The following SRCAP variants were observed in gnomAD, a reference collection of about 807,000 sequenced individuals.
SRCAP encodes chromatin remodeling protein SRCAP.
SRCAP carries 46 observed loss-of-function variants against 263.1 expected under a neutral mutation model. The ratio of observed to expected loss-of-function variants is 0.17; its 90% CI spans 0.14 to 0.22. SRCAP has a LOEUF of 0.22. SRCAP is among the 10% of genes least tolerant of loss of function. The probability of loss-of-function intolerance (pLI) is 1.00; values close to 1 mark genes in which losing one functional copy is unlikely to be tolerated. For missense variants in SRCAP, 3,695 were observed against 4,181.9 expected (o/e 0.88, Z 3.21); for synonymous variants, 1,813 against 1,662.1 (o/e 1.09, Z -2.21).
chr16:30,739,140 G>C lies in SRCAP; in HGVS notation c.9100G>C (p.Glu3034Gln), dbSNP rs749154028. ...VLDRDSTSVL[E>Q]SCGLGRRRQP... is the part of the protein sequence containing the mutation. ...GGACCGTGACAGCACTTCTGTTCTC[G>C]AGAGCTGTGGATTGGGGAGGCGACG... The change falls in exon 34 of 34, where the codon GAG becomes CAG. Residue 3034 changes from glutamate (E) to glutamine (Q), a missense_variant. Physicochemically the swap from Glu to Gln is conservative, Grantham distance 29. Around this residue, in one of 12 missense-constraint regions of SRCAP, gnomAD observed 1,207 missense variants for 1,142.9 expected, o/e 1.06. Coordinates refer to ENST00000262518, the MANE Select transcript of SRCAP (RefSeq NM_006662.3). 2.5e-6 allele frequency: 4 copies of C among 1,614,024 alleles called. No individual in the cohort carries two copies. Among genetic ancestry groups the C allele is most frequent in the Non-Finnish European group, 3.4e-6 (4 of 1,180,030 alleles).
chr16:30,728,370 C>T (rs1455547292), intron 25 of SRCAP, among the ~76,000 whole-genome samples: 4 of 152,306 alleles, frequency 2.6e-5, no homozygotes, highest in African/African-American at 9.6e-5. Flanking sequence ...GTTTTTCAGA[C>T]TGTGAAACTG....
At position 30,723,965 on chromosome 16, in the gene SRCAP, C is replaced by G; in HGVS notation, c.4541C>G (p.Ser1514Cys). 6.2e-7 allele frequency: 1 copy of G among 1,614,198 alleles called. No individual in the cohort carries two copies. The highest frequency in any genetic ancestry group is 1.1e-5 in the South Asian group (1 of 91,088). ...ALTLGLATAP[S>C]LSSSQTPGHP... ...ACTCTAGGTTTGGCCACAGCTCCAT[C>G]CCTGTCTTCATCTCAGACACCTGGT... The change falls in exon 25 of 34, where the codon TCC becomes TGC. Residue 1514 changes from serine to cysteine, a missense_variant. Physicochemically the swap from Ser to Cys is moderately radical, Grantham distance 112. Coordinates refer to ENST00000262518, the MANE Select transcript of SRCAP (RefSeq NM_006662.3).
chr16:30,726,090 TTA>T (rs1239801058), intron 25 of SRCAP: 1 of 152,240 alleles, frequency 6.6e-6, no homozygotes, highest in African/African-American at 2.4e-5. Context: ...TCCTACTTTT[TTA>T]TTTCTCTAGT....
intron 22 of SRCAP, 122 bp downstream of exon 22, chr16:30,722,408 C>A: frequency 6.6e-7 from 1 of 1,510,292 alleles, no homozygotes; most frequent in East Asian, 2.3e-5. Context: ...GTGGGGCCAA[C>A]GGGCATGGTT....
At chr16:30,735,606 AG>A (rs1384443658) in intron 31 of SRCAP, among the ~76,000 whole-genome samples, 1 of 102,910 alleles carries the variant, frequency 9.7e-6, no homozygotes, top group Non-Finnish European at 1.8e-5. Context: ...GGAGTCACGG[AG>A]TCTTGCTCTT....
intron 19 of SRCAP, 36 bp from the exon 20 acceptor site, chr16:30,720,674 CCTT>C: frequency 6.5e-7 from 1 of 1,543,942 alleles, no homozygotes; most frequent in East Asian, 2.3e-5. Context: ...CCCTTATTCT[CCTT>C]CTGTCCCTAC....
chr16:30,726,118 A>G (rs2053062132), intron 25 of SRCAP: 1 of 152,224 alleles, frequency 6.6e-6, no homozygotes, highest in African/African-American at 2.4e-5. Context: ...CTATGGAGTC[A>G]TAATGTATAA....
chr16:30,736,424 T>C, intron 32 of SRCAP, 30 bp downstream of exon 32: 1 of 1,604,408 alleles, frequency 6.2e-7, no homozygotes, highest in African/African-American at 1.3e-5. Context: ...GTTCTTGACT[T>C]TACTGCTTCC....
intron 1 of SRCAP, among the ~76,000 whole-genome samples, chr16:30,699,473 T>C (rs2052741262): frequency 1.3e-5 from 2 of 152,118 alleles, no homozygotes; most frequent in South Asian, 4.1e-4. Context: ...GGCGCAGGTA[T>C]GGGATATACA....
At chr16:30,706,065 G>T (rs1352752723) in intron 4 of SRCAP, among the ~76,000 whole-genome samples, 1 of 152,164 alleles carries the variant, frequency 6.6e-6, no homozygotes. Flanking sequence ...TAATATCCAC[G>T]TCTTTCTTGA....
intron 18 of SRCAP, among the ~76,000 whole-genome samples, chr16:30,718,137 C>A (rs895924737): frequency 6.6e-6 from 1 of 151,144 alleles, no homozygotes; most frequent in African/African-American, 2.4e-5. Context: ...CCTCCCAAAG[C>A]CCTGGGATTA....
chr16:30,706,015 G>C (rs1467389807), intron 4 of SRCAP, among the ~76,000 whole-genome samples: 4 of 152,190 alleles, frequency 2.6e-5, no homozygotes, highest in Admixed American at 1.3e-4. Context: ...AAGTCCTCCA[G>C]ATGATTCCGG....
chr16:30,714,628 G>A (rs1165305295), intron 16 of SRCAP, among the ~76,000 whole-genome samples: 1 of 150,530 alleles, frequency 6.6e-6, no homozygotes, highest in Non-Finnish European at 1.5e-5. Flanking sequence ...AGCCTCCTGA[G>A]TAGCTGGGGT....
Position 30,739,716 on chromosome 16 carries a change from C to A in SRCAP, c.9676C>A (p.Arg3226Ser), listed in dbSNP as rs746006737. The A allele has an allele frequency of 6.7e-7, 1 of 1,492,818 alleles. No homozygotes were observed. Among genetic ancestry groups the A allele is most frequent in the Non-Finnish European group, 8.9e-7 (1 of 1,121,908 alleles). 92.5% of individuals were successfully genotyped at this position (1,492,818 alleles called of 1,614,324 possible). A position where few individuals can be genotyped will look rare whatever the true frequency, so the allele number is the denominator to read the frequency against. Residue 3226 changes from arginine (R) to serine (S), a missense_variant, in exon 34 of 34, where the codon CGC becomes AGC. Arg to Ser is a moderately radical substitution (Grantham distance 110, BLOSUM62 -1). Transcript: ENST00000262518. ...TGGCCCTGCTGTTAGTCACAGAGGC[C>A]GCAAGGCCAAGACGTGAGTGGGCTG... ...LAGPAVSHRG[R>S]KAKT
At position 30,710,813 on chromosome 16, in the gene SRCAP, A is replaced by T. The variant is rs763652065; in HGVS notation, c.1194A>T (p.Glu398Asp). 4.3e-6 allele frequency: 7 copies of T among 1,614,202 alleles called. No individual in the cohort carries two copies. Among genetic ancestry groups the T allele is most frequent in the Non-Finnish European group, 5.9e-6 (7 of 1,180,030 alleles). The change falls in exon 9 of 34, where the codon GAA becomes GAT. Residue 398 changes from glutamate to aspartate, a missense_variant. By Grantham distance (45) the Glu-to-Asp change is conservative. Around this residue, in one of 12 missense-constraint regions of SRCAP, gnomAD observed 288 missense variants for 302.4 expected, o/e 0.95. Transcript: ENST00000262518. ...QRNKQPWHPD[E>D]DDEEFTANEE... is the part of the protein sequence containing the mutation. The stretch of plus-strand genomic sequence containing the variant: ...ACAAACAGCCTTGGCATCCAGATGA[A>T]GATGATGAAGAGTTTACTGCCAACG...
At position 30,739,045 on chromosome 16, in the gene SRCAP, C is replaced by T. The variant is rs751088971; in HGVS notation, c.9005C>T (p.Pro3002Leu). The T allele has an allele frequency of 6.2e-7, 1 of 1,614,236 alleles. No individual in the cohort carries two copies. The highest frequency in any genetic ancestry group is 1.1e-5 in the South Asian group (1 of 91,092). ...TVTTVTISTS[P>L]PKRKRGRPPK... ...ACCACTGTCACCATTTCAACGTCCC[C>T]ACCCAAACGGAAGAGGGGCCGACCT... The change falls in exon 34 of 34, where the codon CCA becomes CTA. Residue 3002 changes from proline to leucine, a missense_variant. Transcript: ENST00000262518.
At position 30,724,669 on chromosome 16, in the gene SRCAP, G is replaced by A; in HGVS notation, c.5245G>A (p.Ala1749Thr). 6.2e-7 allele frequency: 1 copy of A among 1,614,038 alleles called. No individual in the cohort carries two copies. Among genetic ancestry groups the A allele is most frequent in the Non-Finnish European group, 8.5e-7 (1 of 1,179,998 alleles). The change falls in exon 25 of 34, where the codon GCT (alanine) becomes ACT (threonine). Residue 1749 changes from alanine (A) to threonine (T), a missense_variant. Ala to Thr is a moderately conservative substitution (Grantham distance 58, BLOSUM62 0). Coordinates refer to ENST00000262518, the MANE Select transcript of SRCAP (RefSeq NM_006662.3). ...GGGTCCAACTCAGACGCTGTCTCTG[G>A]CTCCAGCACCCCCTCTGGCTCCAGC... ...PLGPTQTLSL[A>T]PAPPLAPASP...
intron 18 of SRCAP, among the ~76,000 whole-genome samples, chr16:30,717,049 T>C (rs1445505921): frequency 6.6e-6 from 1 of 152,226 alleles, no homozygotes. Context: ...TAGCTGCATG[T>C]TTTACATTTC....
chr16:30,738,900 A>G lies in SRCAP; in HGVS notation c.8860A>G (p.Ile2954Val), dbSNP rs371687815. 7 of 1,613,908 alleles carry G rather than the reference A, an allele frequency of 4.3e-6. No homozygotes were observed. Among genetic ancestry groups the G allele is most frequent in the African/African-American group, 4.0e-5 (3 of 74,856 alleles). ...ACGAGATTTGCCCATCCCTGGGACCATTTCCTCTGCAGGGGATGGCAACTC... is the reference window on the plus strand; with the variant it reads ...ACGAGATTTGCCCATCCCTGGGACCGTTTCCTCTGCAGGGGATGGCAACTC... ...KARDLPIPGT[I>V]SSAGDGNSES... is the part of the protein sequence containing the mutation. Residue 2954 changes from isoleucine (I) to valine (V), a missense_variant, in exon 34 of 34, where the codon ATT (isoleucine) becomes GTT (valine). By Grantham distance (29) the Ile-to-Val change is conservative (BLOSUM62 3). Around this residue, in one of 12 missense-constraint regions of SRCAP, gnomAD observed 1,207 missense variants for 1,142.9 expected, o/e 1.06. Coordinates refer to ENST00000262518, the MANE Select transcript of SRCAP (RefSeq NM_006662.3).
Sources: gnomAD v4.1 joint callset for allele counts (sites outside exome capture counted in the v4.1 genomes callset) on GRCh38, gnomAD v4.1.1 for gene constraint, gnomAD v4.1.1 regional missense constraint, MANE v1.5 for transcripts, NCBI Gene and HGNC (gene_info 2026-07-23, HGNC 2026-07-21) for gene names.